PPP2R2D: variants seen among roughly 807,000 people sequenced by gnomAD.
The protein encoded by PPP2R2D is protein phosphatase 2 regulatory subunit Bdelta, also known as serine/threonine-protein phosphatase 2A 55 kDa regulatory subunit B delta isoform.
A neutral mutation model predicts 31.1 loss-of-function variants in PPP2R2D; 9 were observed. The observed-to-expected ratio is 0.29, with a 90% CI of 0.17 to 0.51. The LOEUF is 0.51. PPP2R2D is among the 20% of genes least tolerant of loss of function. The pLI is 0.98. For synonymous variants in PPP2R2D, 179 were observed against 172.6 expected (o/e 1.04, Z -0.29); for missense variants, 391 against 465.6 (o/e 0.84, Z 1.48).
downstream of PPP2R2D, among the ~76,000 whole-genome samples, chr10:131,963,930 C>T (rs562819376): frequency 1.3e-3 from 197 of 152,276 alleles, 1 homozygote; most frequent in South Asian, 0.011. Context: ...TCACGAGTGT[C>T]GGTTTTTCCT....
chr10:131,922,920 T>C (rs1160644358), intron 2 of PPP2R2D, among the ~76,000 whole-genome samples: 3 of 152,102 alleles, frequency 2.0e-5, no homozygotes, highest in African/African-American at 7.2e-5. Flanking sequence ...ACTTTTAGAG[T>C]GTATTTGAGA....
chr10:131,901,521 C>T (rs1293409966), intron 2 of PPP2R2D, among the ~76,000 whole-genome samples, 191 bp downstream of exon 2: 24 of 151,714 alleles, frequency 1.6e-4, no homozygotes, highest in African/African-American at 4.4e-4. Flanking sequence ...TCCCGGCCCG[C>T]GGGGCACGGG....
At chr10:131,965,915 C>T in the PPP2R2D span, among the ~76,000 whole-genome samples, 6 of 152,212 alleles carry the variant, frequency 3.9e-5, no homozygotes, top group African/African-American at 1.4e-4. Context: ...GGCAAAGCAC[C>T]GGCCCTGCAG....
At chr10:131,943,902 T>C in intron 5 of PPP2R2D, 66 bp from the exon 6 acceptor site, 1 of 725,326 alleles carries the variant, frequency 1.4e-6, no homozygotes, top group Non-Finnish European at 2.5e-6. Context: ...CGTTATCTAC[T>C]ATAAGTGTTC....
chr10:131,938,163 A>G (rs2036378361), intron 3 of PPP2R2D, among the ~76,000 whole-genome samples: 1 of 152,254 alleles, frequency 6.6e-6, no homozygotes, highest in Admixed American at 6.5e-5. Context: ...TGGACTCTGC[A>G]GCAGTGCGGG....
At chr10:131,925,517 ATT>A (rs2036089914) in intron 2 of PPP2R2D, among the ~76,000 whole-genome samples, 2 of 152,172 alleles carry the variant, frequency 1.3e-5, no homozygotes, top group Admixed American at 1.3e-4. Context: ...TTTCAAAAAT[ATT>A]GTTTGTTCCT....
intron 5 of PPP2R2D, among the ~76,000 whole-genome samples, chr10:131,941,443 A>C (rs2036439174): frequency 6.6e-6 from 1 of 151,922 alleles, no homozygotes; most frequent in African/African-American, 2.4e-5. Context: ...AGAAACCAGC[A>C]CCTGTGCAGA....
At chr10:131,904,790 T>C (rs964462023) in intron 2 of PPP2R2D, among the ~76,000 whole-genome samples, 15 of 152,320 alleles carry the variant, frequency 9.8e-5, no homozygotes, top group Middle Eastern at 3.4e-3. Flanking sequence ...TGATGCCCAG[T>C]GCACAGGAAG....
At chr10:131,925,678 A>T (rs1230382736) in intron 2 of PPP2R2D, among the ~76,000 whole-genome samples, 2 of 152,010 alleles carry the variant, frequency 1.3e-5, no homozygotes, top group Admixed American at 6.6e-5. Flanking sequence ...ATGATGCAAG[A>T]TTTTTTTTGC....
intron 2 of PPP2R2D, among the ~76,000 whole-genome samples, chr10:131,932,663 A>AAAC (rs2036261081): frequency 6.9e-6 from 1 of 144,556 alleles, no homozygotes; most frequent in African/African-American, 2.8e-5. Flanking sequence ...AAAAAAAAAA[A>AAAC]AAAAACACAC....
chr10:131,933,925 CAGT>C lies in PPP2R2D; in HGVS notation c.101-532_101-530del, dbSNP rs1397690914. Among the ~76,000 whole-genome samples the C allele has an allele frequency of 2.0e-5, 3 of 152,068 alleles. No individual in the cohort carries two copies. In the East Asian group the frequency reaches 5.8e-4, roughly 29 times the overall value. On this transcript the variant is annotated intron_variant, in intron 2 of 8. Transcript: ENST00000455566. ...CACTTGGTAATGATGTCATCATTAT[CAGT>C]GGTGGTAACTGTATCCAGACAATGA...
chr10:131,925,282 T>G (rs1396558658), intron 2 of PPP2R2D, among the ~76,000 whole-genome samples: 2 of 152,074 alleles, frequency 1.3e-5, no homozygotes, highest in African/African-American at 4.8e-5. Flanking sequence ...TTAGCTGTGG[T>G]TTTTTAGGTA....
chr10:131,962,900 C>A (rs184619024), downstream of PPP2R2D, among the ~76,000 whole-genome samples: 1 of 152,206 alleles, frequency 6.6e-6, no homozygotes. Flanking sequence ...CATGGTGGCT[C>A]ACGCCTGTAA....
chr10:131,901,592 C>T lies in PPP2R2D; in HGVS notation c.100+262C>T, dbSNP rs888289616. On this transcript the variant is annotated intron_variant, in intron 2 of 8. Coordinates refer to ENST00000455566, the MANE Select transcript of PPP2R2D (RefSeq NM_018461.5). ...TCACCAAGGTCACGGGCGGCCGGGT[C>T]CTCCGAACCCAGCGCCTGGGGCTGC... Among the ~76,000 whole-genome samples, 14 of 152,286 alleles carry T rather than the reference C, an allele frequency of 9.2e-5. No individual in the cohort carries two copies. In the South Asian group the frequency reaches 2.3e-3, roughly 25 times the overall value.
intron 2 of PPP2R2D, among the ~76,000 whole-genome samples, chr10:131,906,746 T>G (rs1325055012): frequency 1.4e-5 from 2 of 145,446 alleles, no homozygotes; most frequent in African/African-American, 5.1e-5. Context: ...CATAGTGAGA[T>G]CTTGTCTCTA....
At chr10:131,936,219 C>T (rs1484699120) in intron 3 of PPP2R2D, among the ~76,000 whole-genome samples, 1 of 151,896 alleles carries the variant, frequency 6.6e-6, no homozygotes, top group African/African-American at 2.4e-5. Context: ...GTGATCTTGG[C>T]TCACTGCAAC....
chr10:131,933,869 A>G (rs1256318719), intron 2 of PPP2R2D, among the ~76,000 whole-genome samples: 1 of 152,086 alleles, frequency 6.6e-6, no homozygotes, highest in East Asian at 1.9e-4. Flanking sequence ...TTATGCTGTC[A>G]GAGATCTCAA....
intron 2 of PPP2R2D, among the ~76,000 whole-genome samples, chr10:131,933,178 C>T (rs1554895919): frequency 6.6e-6 from 1 of 152,196 alleles, no homozygotes; most frequent in Non-Finnish European, 1.5e-5. Flanking sequence ...CAGGGATTCC[C>T]GTGTGAGGCC....
chr10:131,954,511 G>A (rs902522288), intron 8 of PPP2R2D, among the ~76,000 whole-genome samples: 1 of 152,270 alleles, frequency 6.6e-6, no homozygotes, highest in Non-Finnish European at 1.5e-5. Context: ...GGCATTGCTG[G>A]AGGGCGCTGG....
Sources: allele counts gnomAD v4.1 joint callset (sites outside exome capture counted in the v4.1 genomes callset), GRCh38; gene constraint gnomAD v4.1.1; transcripts MANE v1.5; gene names NCBI Gene and HGNC (gene_info 2026-07-23, HGNC 2026-07-21).